The following SLX4IP variants were observed in gnomAD, a reference collection of about 807,000 sequenced individuals.
SLX4IP encodes the protein SLX4 interacting protein, also known as protein SLX4IP.
In SLX4IP, 34 loss-of-function variants were observed where a neutral mutation model predicts 32.9. The observed-to-expected ratio is 1.03, with a 90% CI of 0.79 to 1.38. The LOEUF (loss-of-function observed/expected upper bound fraction) is 1.38, where lower values mean the gene tolerates loss of function less well. SLX4IP is among the 40% of genes most tolerant of loss of function. SLX4IP has a pLI of 0.00. For synonymous variants in SLX4IP, 172 were observed against 171.7 expected (o/e 1.00, Z -0.01); for missense variants, 444 against 479.0 (o/e 0.93, Z 0.68).
chr20:10,618,940 T>TGGGGGTGGGGGGG (rs2067071936), intron 6 of SLX4IP, among the ~76,000 whole-genome samples: 1 of 41,774 alleles, frequency 2.4e-5, no homozygotes. Context: ...GCTTGGGGGT[T>TGGGGGTGGGGGGG]GGGGGGGCGG....
At chr20:10,486,926 T>C (rs1600920987) in intron 2 of SLX4IP, among the ~76,000 whole-genome samples, 1 of 29,190 alleles carries the variant, frequency 3.4e-5, no homozygotes, top group African/African-American at 6.8e-5. Flanking sequence ...ACTTGCTCTG[T>C]TTTTTTTTTT....
At chr20:10,502,474 A>G (rs938483578) in intron 2 of SLX4IP, among the ~76,000 whole-genome samples, 1 of 152,180 alleles carries the variant, frequency 6.6e-6, no homozygotes, top group Non-Finnish European at 1.5e-5. Context: ...ATGTGCATGC[A>G]CACTCACATG....
intron 4 of SLX4IP, among the ~76,000 whole-genome samples, chr20:10,572,958 C>T (rs536261945): frequency 1.3e-5 from 2 of 152,180 alleles, no homozygotes; most frequent in South Asian, 2.1e-4. Context: ...CGACAAGAGG[C>T]GAAAAAGAAA....
At chr20:10,491,853 C>A (rs963210737) in intron 2 of SLX4IP, among the ~76,000 whole-genome samples, 2 of 152,202 alleles carry the variant, frequency 1.3e-5, no homozygotes, top group East Asian at 3.9e-4. Flanking sequence ...CCTCACTTAC[C>A]CCAGAAGTAA....
chr20:10,549,371 G>C (rs1321214189), intron 2 of SLX4IP, among the ~76,000 whole-genome samples: 1 of 152,198 alleles, frequency 6.6e-6, no homozygotes, highest in Non-Finnish European at 1.5e-5. Context: ...ATCTGTGTTG[G>C]AATGGAATCA....
At chr20:10,612,656 CT>C (rs2066980698) in intron 6 of SLX4IP, among the ~76,000 whole-genome samples, 1 of 152,096 alleles carries the variant, frequency 6.6e-6, no homozygotes, top group Non-Finnish European at 1.5e-5. Flanking sequence ...AGCGATTCTC[CT>C]GCCTCCTGAG....
At chr20:10,533,933 A>T (rs1344902856) in intron 2 of SLX4IP, among the ~76,000 whole-genome samples, 1 of 26,546 alleles carries the variant, frequency 3.8e-5, no homozygotes, top group Non-Finnish European at 1.1e-4. Flanking sequence ...TCTTATTTTT[A>T]AAAAATTTTC....
chr20:10,586,625 T>C (rs928009412), intron 4 of SLX4IP, among the ~76,000 whole-genome samples: 2 of 150,798 alleles, frequency 1.3e-5, no homozygotes, highest in Admixed American at 1.3e-4. Flanking sequence ...TAATTTGTGA[T>C]AAAGAGGGAA....
intron 6 of SLX4IP, among the ~76,000 whole-genome samples, chr20:10,603,018 T>C (rs948032150): frequency 6.6e-6 from 1 of 152,234 alleles, no homozygotes; most frequent in Non-Finnish European, 1.5e-5. Context: ...TGGTGAAAAG[T>C]ATTAAGTTTG....
intron 2 of SLX4IP, among the ~76,000 whole-genome samples, chr20:10,543,202 T>C (rs1164875691): frequency 6.6e-6 from 1 of 152,204 alleles, no homozygotes; most frequent in African/African-American, 2.4e-5. Context: ...TGTTAATAGA[T>C]TGGATGTGTA....
intron 5 of SLX4IP, among the ~76,000 whole-genome samples, chr20:10,600,450 G>A (rs185916653): frequency 6.6e-6 from 1 of 152,180 alleles, no homozygotes; most frequent in Non-Finnish European, 1.5e-5. Context: ...CTGCTGTTCT[G>A]AATAGGATAA....
intron 2 of SLX4IP, among the ~76,000 whole-genome samples, chr20:10,479,926 C>A (rs2065507785): frequency 6.6e-6 from 1 of 151,994 alleles, no homozygotes; most frequent in Admixed American, 6.5e-5. Flanking sequence ...ATCCCTTGAA[C>A]CAGGGCGTCA....
intron 6 of SLX4IP, among the ~76,000 whole-genome samples, chr20:10,616,494 AATATGCCATCCTTACAAAAGTCACACAAG>A (rs1239011909): frequency 6.0e-4 from 91 of 152,212 alleles, no homozygotes; most frequent in African/African-American, 2.2e-3. Context: ...CTCACAATAA[AATATGCCATCCTTACAAAAGTCACACAAG>A]ATCTGCCTTT....
intron 2 of SLX4IP, among the ~76,000 whole-genome samples, chr20:10,461,276 A>C (rs550306605): frequency 1.3e-5 from 2 of 152,364 alleles, no homozygotes; most frequent in South Asian, 4.1e-4. Flanking sequence ...ATTATGCAAG[A>C]GATGGGTCTG....
intron 4 of SLX4IP, among the ~76,000 whole-genome samples, chr20:10,578,491 A>T (rs1172009932): frequency 6.6e-6 from 1 of 152,248 alleles, no homozygotes; most frequent in Non-Finnish European, 1.5e-5. Context: ...ATTGATGGAC[A>T]TTTGGGTTGT....
chr20:10,497,297 G>A (rs6108608), intron 2 of SLX4IP, among the ~76,000 whole-genome samples: 2 of 152,142 alleles, frequency 1.3e-5, no homozygotes, highest in East Asian at 1.9e-4. Context: ...ATATTTTGAA[G>A]GCACTCTTCC....
chr20:10,595,113 G>A (rs1307544007), intron 4 of SLX4IP, among the ~76,000 whole-genome samples: 2 of 152,054 alleles, frequency 1.3e-5, no homozygotes, highest in Admixed American at 6.6e-5. Flanking sequence ...GGCCAGGGGA[G>A]AAGATGGGAT....
At chr20:10,619,163 G>A (rs1348242394) in intron 6 of SLX4IP, among the ~76,000 whole-genome samples, 1 of 151,708 alleles carries the variant, frequency 6.6e-6, no homozygotes, top group African/African-American at 2.4e-5. Context: ...TTGTAAGCGG[G>A]AGACCCCGCC....
intron 2 of SLX4IP, among the ~76,000 whole-genome samples, chr20:10,462,039 A>G (rs1421848433): frequency 1.3e-5 from 2 of 152,176 alleles, no homozygotes; most frequent in African/African-American, 4.8e-5. Context: ...GATGTTACGA[A>G]CTAGGGAAAT....
Sources: gnomAD v4.1 joint callset for allele counts (sites outside exome capture counted in the v4.1 genomes callset) on GRCh38, gnomAD v4.1.1 for gene constraint, MANE v1.5 for transcripts, NCBI Gene and HGNC (gene_info 2026-07-23, HGNC 2026-07-21) for gene names.